The following H6PD variants were observed in gnomAD, a reference collection of about 807,000 sequenced individuals.
H6PD encodes GDH/6PGL endoplasmic bifunctional protein.
A neutral mutation model predicts 61.2 loss-of-function variants in H6PD; 48 were observed. The observed-to-expected ratio is 0.78, with a 90% CI of 0.62 to 1.00. The LOEUF (loss-of-function observed/expected upper bound fraction) is 1.00, where lower values mean the gene tolerates loss of function less well. H6PD is among the 50% of genes least tolerant of loss of function. The pLI is 0.00. For missense variants in H6PD, 1,093 were observed against 1,065.0 expected (o/e 1.03, Z -0.37); for synonymous variants, 480 against 457.9 (o/e 1.05, Z -0.62).
chr1:9,260,950 A>T (rs879532574), intron 3 of H6PD, among the ~76,000 whole-genome samples: 1 of 151,882 alleles, frequency 6.6e-6, no homozygotes, highest in African/African-American at 2.4e-5. Context: ...CCCCACTTCC[A>T]GGGCTCATGT....
intron 4 of H6PD, 52 bp from the exon 5 acceptor site, chr1:9,263,457 G>C: frequency 6.3e-7 from 1 of 1,582,820 alleles, no homozygotes. Context: ...GGGCTGGCCG[G>C]AGAGTCCTGG....
chr1:9,238,306 T>C (rs1046195543), intron 1 of H6PD, among the ~76,000 whole-genome samples: 5 of 152,102 alleles, frequency 3.3e-5, no homozygotes, highest in African/African-American at 1.2e-4. Context: ...GAGGCCAGAA[T>C]GTGTAGACTC....
Position 9,246,949 on chromosome 1 carries a change from T to C in H6PD, c.628-17T>C. The C allele has an allele frequency of 6.4e-7, 1 of 1,569,408 alleles. No individual in the cohort carries two copies. The highest frequency in any genetic ancestry group is 8.8e-7 in the Non-Finnish European group (1 of 1,139,234). ...TGAGAGTATCCTGCAGCACGCCCAG[T>C]CTTCCCCCCCCGACAGGCTGTGGCG... is the stretch of plus-strand genomic sequence containing the variant. On this transcript the variant is annotated splice_polypyrimidine_tract_variant and intron_variant, in intron 2 of 4. Transcript: ENST00000377403.
At position 9,263,811 on chromosome 1, in the gene H6PD, G is replaced by A. The variant is rs34274595; in HGVS notation, c.1318G>A (p.Gly440Ser). 180 of 1,613,836 alleles carry A rather than the reference G, an allele frequency of 1.1e-4. No individual in the cohort carries two copies. Among genetic ancestry groups the A allele is most frequent in the East Asian group, 7.1e-4 (32 of 44,872 alleles). The change falls in exon 5 of 5, where the codon GGC becomes AGC. Residue 440 changes from glycine (G) to serine (S), a missense_variant. Transcript: ENST00000377403. The part of the protein sequence containing the change: ...MEGPPGLRLF[G>S]SPLSDYYAYS... ...GGGACCACCTGGGCTCCGCCTTTTC[G>A]GCAGCCCTCTGTCCGATTACTACGC...
intron 1 of H6PD, chr1:9,242,853 T>G: frequency 1.0e-6 from 1 of 985,450 alleles, no homozygotes; most frequent in Non-Finnish European, 1.2e-6. Flanking sequence ...TCTCCTGCAC[T>G]GACCTTGCAG....
rs781605545 is a variant in H6PD at position 9,264,234 on chromosome 1, C to T, written c.1741C>T (p.Arg581Cys). Residue 581 changes from arginine (R) to cysteine (C), a missense_variant, in exon 5 of 5, where the codon CGC (arginine) becomes TGC (cysteine). Transcript: ENST00000377403. ...GGCCACCGCTGTGCGAGCCGTGCGG[C>T]GCTTTGGCCAGTTCCACCTGGCACT... The part of the protein sequence containing the change: ...IEATAVRAVR[R>C]FGQFHLALSG... 30 of 1,610,344 alleles carry T rather than the reference C, an allele frequency of 1.9e-5. No individual in the cohort carries two copies. Among genetic ancestry groups the T allele is most frequent in the Admixed American group, 5.0e-5 (3 of 59,748 alleles).
At position 9,264,281 on chromosome 1, in the gene H6PD, G is replaced by A. The variant is rs538653936; in HGVS notation, c.1788G>A (p.Val596=). The A allele has an allele frequency of 6.2e-7, 1 of 1,610,610 alleles. No homozygotes were observed. Among genetic ancestry groups the A allele is most frequent in the East Asian group, 2.2e-5 (1 of 44,824 alleles). The change falls in exon 5 of 5, where the codon GTG becomes GTA. Residue 596 remains valine (V), a synonymous_variant. Coordinates refer to ENST00000377403, the MANE Select transcript of H6PD (RefSeq NM_004285.4). ...CACTGTCGGGGGGCTCGAGCCCCGTGGCCCTGTTCCAGCAGCTGGCCACGG... is the reference window on the plus strand; with the variant it reads ...CACTGTCGGGGGGCTCGAGCCCCGTAGCCCTGTTCCAGCAGCTGGCCACGG... The part of the protein sequence containing the change: ...HLALSGGSSP[V]ALFQQLATAH...
At chr1:9,257,826 G>A (rs1167512596) in intron 3 of H6PD, among the ~76,000 whole-genome samples, 1 of 152,234 alleles carries the variant, frequency 6.6e-6, no homozygotes, top group African/African-American at 2.4e-5. Flanking sequence ...ATGGCTCCTC[G>A]TGTCTGAGGC....
Position 9,267,118 on chromosome 1 carries a change from C to T in H6PD, c.*2249C>T, listed in dbSNP as rs72641817. 15,205 of 152,570 alleles carry T rather than the reference C, an allele frequency of 0.1. 1,021 individuals are homozygous for T. The highest frequency in any genetic ancestry group is 0.2 in the South Asian group (943 of 4,828). 9.5% of individuals were successfully genotyped at this position (152,570 alleles called of 1,614,324 possible). ...TACAGGCGTGAGCCACCGCGCCCAG[C>T]CAGAACATCTGTTTTTACACCCAGA... On this transcript the variant is annotated 3_prime_UTR_variant, in exon 5 of 5. Coordinates refer to ENST00000377403, the MANE Select transcript of H6PD (RefSeq NM_004285.4).
chr1:9,267,772 T>C lies in H6PD; in HGVS notation c.*2903T>C, dbSNP rs1181446428. 1 of 152,220 alleles carries C rather than the reference T, an allele frequency of 6.6e-6. No individual in the cohort carries two copies. The highest frequency in any genetic ancestry group is 2.4e-5 in the African/African-American group (1 of 41,432). The allele number at this position is 152,220 out of a possible 1,614,324, so 9.4% of individuals were successfully genotyped here. A position where few individuals can be genotyped will look rare whatever the true frequency, so the allele number is the denominator to read the frequency against. Reference sequence around the variant, plus strand: ...GGAAGGAGAAGTTTTCAGAACCCTCTAGGCTGGTGGCTTTCAAACTTCAGA... The same window carrying C: ...GGAAGGAGAAGTTTTCAGAACCCTCCAGGCTGGTGGCTTTCAAACTTCAGA... On this transcript the variant is annotated 3_prime_UTR_variant, in exon 5 of 5. Transcript: ENST00000377403.
rs751449332 is a variant in H6PD at position 9,264,268 on chromosome 1, G to A, written c.1775G>A (p.Gly592Asp). The A allele has an allele frequency of 3.0e-5, 49 of 1,609,622 alleles. No individual in the cohort carries two copies. The highest frequency in any genetic ancestry group is 5.0e-5 in the Admixed American group (3 of 59,788). The change falls in exon 5 of 5, where the codon GGC (glycine) becomes GAC (aspartate). Residue 592 changes from glycine to aspartate, a missense_variant. Physicochemically the swap from Gly to Asp is moderately conservative, Grantham distance 94. Coordinates refer to ENST00000377403, the MANE Select transcript of H6PD (RefSeq NM_004285.4). ...CAGTTCCACCTGGCACTGTCGGGGG[G>A]CTCGAGCCCCGTGGCCCTGTTCCAG... ...FGQFHLALSG[G>D]SSPVALFQQL... is the part of the protein sequence containing the mutation.
intron 4 of H6PD, among the ~76,000 whole-genome samples, chr1:9,262,774 C>G (rs1398737202): frequency 6.6e-6 from 1 of 152,198 alleles, no homozygotes; most frequent in Non-Finnish European, 1.5e-5. Flanking sequence ...TGGCTCCTCA[C>G]CAGGTAGCAG....
chr1:9,236,529 G>GCGC (rs2100299852), intron 1 of H6PD, among the ~76,000 whole-genome samples: 1 of 152,254 alleles, frequency 6.6e-6, no homozygotes, highest in South Asian at 2.1e-4. Context: ...TGGGGGCAGC[G>GCGC]GATGCCTGTA....
intron 3 of H6PD, among the ~76,000 whole-genome samples, chr1:9,251,195 T>C (rs1207270155): frequency 6.6e-6 from 1 of 152,176 alleles, no homozygotes; most frequent in Non-Finnish European, 1.5e-5. Context: ...GGGAGGGCTC[T>C]GCAGACAGGC....
intron 3 of H6PD, among the ~76,000 whole-genome samples, chr1:9,250,446 C>G (rs1044452758): frequency 6.1e-5 from 9 of 146,812 alleles, no homozygotes; most frequent in South Asian, 2.2e-4. Context: ...CATTCTCCCC[C>G]ACTCCCCACC....
intron 2 of H6PD, among the ~76,000 whole-genome samples, chr1:9,246,351 G>A (rs1386558845): frequency 6.6e-6 from 1 of 152,246 alleles, no homozygotes; most frequent in Non-Finnish European, 1.5e-5. Context: ...GTCCTGGGCA[G>A]GAGCATGGGT....
chr1:9,251,869 T>C (rs985980096), intron 3 of H6PD, among the ~76,000 whole-genome samples: 11 of 146,806 alleles, frequency 7.5e-5, no homozygotes, highest in Non-Finnish European at 1.6e-4. Context: ...AGCTGGCTCT[T>C]AGTTGTCTTT....
At chr1:9,238,202 A>G (rs1640903402) in intron 1 of H6PD, among the ~76,000 whole-genome samples, 1 of 152,192 alleles carries the variant, frequency 6.6e-6, no homozygotes, top group Non-Finnish European at 1.5e-5. Context: ...CCAGGCGGAG[A>G]GAACAAGTGC....
chr1:9,264,771 C>A lies in H6PD; in HGVS notation c.2278C>A (p.Arg760=). The A allele has an allele frequency of 1.2e-6, 2 of 1,613,078 alleles. No homozygotes were observed. Among genetic ancestry groups the A allele is most frequent in the Non-Finnish European group, 1.7e-6 (2 of 1,179,984 alleles). Residue 760 remains arginine (R), a synonymous_variant, in exon 5 of 5, where the codon CGG becomes AGG. Transcript: ENST00000377403. ...GCGTGAGATCACCACGCTGGTGAGC[C>A]GGGTGGGCCATGAGCCCAAGAAGTG... The part of the protein sequence containing the change: ...MKREITTLVS[R]VGHEPKKWPI...
Sources: allele counts gnomAD v4.1 joint callset (sites outside exome capture counted in the v4.1 genomes callset), GRCh38; gene constraint gnomAD v4.1.1; transcripts MANE v1.5; gene names NCBI Gene and HGNC (gene_info 2026-07-23, HGNC 2026-07-21).